SNAPC1: variants seen among roughly 807,000 people sequenced by gnomAD.
The protein encoded by SNAPC1 is snRNA-activating protein complex subunit 1.
SNAPC1 carries 42 observed loss-of-function variants against 50.1 expected under a neutral mutation model. The observed-to-expected ratio is 0.84, with a 90% CI of 0.65 to 1.08. The LOEUF is 1.08. Among genes scored for constraint, SNAPC1 ranks in the 50% least tolerant of loss-of-function variants. SNAPC1 has a pLI of 0.00. For missense variants in SNAPC1, 477 were observed against 427.3 expected, an observed-to-expected ratio of 1.12 and a Z score of -1.02; for synonymous variants, 164 against 144.2, an observed-to-expected ratio of 1.14 and a Z score of -0.98.
Position 61,762,498 on chromosome 14 carries a change from C to T in SNAPC1, c.38C>T (p.Ala13Val), listed in dbSNP as rs764113543. 7 of 1,410,018 alleles carry T rather than the reference C, an allele frequency of 5.0e-6. No individual in the cohort carries two copies. The African/African-American group carries it at 7.3e-5, about 15-fold the overall frequency. The allele number at this position is 1,410,018 out of a possible 1,614,324, so 87.3% of individuals were successfully genotyped here. Residue 13 changes from alanine to valine, a missense_variant, in exon 1 of 10, where the codon GCG (alanine) becomes GTG (valine). Transcript: ENST00000216294. Reference protein sequence around the residue: ...TPPGLQTDCEALLSRFQETDS... With the variant: ...TPPGLQTDCEVLLSRFQETDS... ...CCCGGCCTGCAGACCGACTGCGAGG[C>T]GCTGCTCAGCCGCTTCCAGGAGACG...
chr14:61,772,313 T>A (rs1372610581), intron 4 of SNAPC1, among the ~76,000 whole-genome samples: 1 of 152,008 alleles, frequency 6.6e-6, no homozygotes, highest in Non-Finnish European at 1.5e-5. Context: ...AGTGGTATGA[T>A]CTTGGCTCAC....
At chr14:61,780,538 GT>G (rs963871008) in intron 7 of SNAPC1, among the ~76,000 whole-genome samples, 3 of 152,080 alleles carry the variant, frequency 2.0e-5, no homozygotes, top group Non-Finnish European at 4.4e-5. Flanking sequence ...TAACGGGGTG[GT>G]TTTTTGTTTG....
chr14:61,793,668 T>TC, intron 9 of SNAPC1, among the ~76,000 whole-genome samples: 1 of 149,212 alleles, frequency 6.7e-6, no homozygotes, highest in East Asian at 1.9e-4. Context: ...TTTCTTTTTT[T>TC]TTTTTTGAGA....
intron 8 of SNAPC1, among the ~76,000 whole-genome samples, chr14:61,791,584 A>G (rs1420251914): frequency 6.6e-6 from 1 of 152,184 alleles, no homozygotes; most frequent in Non-Finnish European, 1.5e-5. Flanking sequence ...ACGGTGGCTC[A>G]CGCCTGTAAT....
intron 8 of SNAPC1, among the ~76,000 whole-genome samples, chr14:61,783,016 C>CTTTTTTTTTTTTTTT (rs1191462174): frequency 7.9e-6 from 1 of 125,968 alleles, no homozygotes; most frequent in African/African-American, 3.1e-5. Context: ...TTTTCCAGTG[C>CTTTTTTTTTTTTTTT]ATTTTTTTTT....
chr14:61,794,991 G>T lies in SNAPC1; in HGVS notation c.*8G>T. On this transcript the variant is annotated 3_prime_UTR_variant, in exon 10 of 10. Transcript: ENST00000216294. Reference sequence around the variant, plus strand: ...AAGAGGAGAAAACACTGAACAAAGAGCCTGGTGTAGTTTTTAATTTTGAGT... The same window carrying T: ...AAGAGGAGAAAACACTGAACAAAGATCCTGGTGTAGTTTTTAATTTTGAGT... The T allele has an allele frequency of 1.3e-6, 2 of 1,559,716 alleles. No individual in the cohort carries two copies. The highest frequency in any genetic ancestry group is 8.7e-7 in the Non-Finnish European group (1 of 1,153,758).
intron 1 of SNAPC1, among the ~76,000 whole-genome samples, chr14:61,763,706 C>G (rs1250025242): frequency 1.3e-5 from 2 of 152,050 alleles, no homozygotes; most frequent in Non-Finnish European, 2.9e-5. Context: ...CCGCTTTCCA[C>G]ATTTTGTTGT....
At chr14:61,787,074 C>G (rs1188790046) in intron 8 of SNAPC1, among the ~76,000 whole-genome samples, 1 of 152,200 alleles carries the variant, frequency 6.6e-6, no homozygotes, top group Non-Finnish European at 1.5e-5. Context: ...ATATGACATT[C>G]TGGAAGAGGC....
chr14:61,774,283 C>T (rs2045017570), intron 4 of SNAPC1, among the ~76,000 whole-genome samples: 1 of 151,676 alleles, frequency 6.6e-6, no homozygotes, highest in Non-Finnish European at 1.5e-5. Context: ...ACTACAGGTG[C>T]ACACTACTGT....
At chr14:61,789,996 C>T (rs2045140752) in intron 8 of SNAPC1, among the ~76,000 whole-genome samples, 1 of 152,148 alleles carries the variant, frequency 6.6e-6, no homozygotes, top group Non-Finnish European at 1.5e-5. Flanking sequence ...GCAAGGCTAA[C>T]AGACATAAGA....
Position 61,768,672 on chromosome 14 carries a change from GAA to G in SNAPC1, c.467_468del (p.Glu156GlyfsTer6), listed in dbSNP as rs758866144. ...GATGAAGAAAAAAATTCACCGAGCT[GAA>G]GTTACAGAAGAATTTAAGGACCCAA... ...YRMKKKIHRA[E>X]VTEEFKDPSD... On this transcript the variant is annotated frameshift_variant, in exon 4 of 10. Transcript: ENST00000216294. LOFTEE classifies it high-confidence loss of function. The G allele has an allele frequency of 6.8e-4, 1,090 of 1,611,138 alleles. No homozygotes were observed. Among genetic ancestry groups the G allele is most frequent in the Non-Finnish European group, 8.6e-4 (1,014 of 1,177,730 alleles).
rs149745741 is a variant in SNAPC1, at chr14:61,772,164, G to A, written c.534+3424G>A. 3.3e-4 allele frequency among the ~76,000 whole-genome samples: 50 copies of A among 152,000 alleles called. No individual in the cohort carries two copies. The East Asian group carries it at 6.4e-3, about 19-fold the overall frequency. On this transcript the variant is annotated intron_variant, in intron 4 of 9. Coordinates refer to ENST00000216294, the MANE Select transcript of SNAPC1 (RefSeq NM_003082.4). ...GTGGCTGGAGCGCAGTAGGGTGATC[G>A]TAGCTCACTGCACCCTCAGTCTCCT...
intron 8 of SNAPC1, among the ~76,000 whole-genome samples, chr14:61,783,673 C>T (rs1238228892): frequency 4.6e-5 from 7 of 151,564 alleles, no homozygotes; most frequent in African/African-American, 1.2e-4. Flanking sequence ...GTAGCTGGGA[C>T]TACAGGCGCC....
intron 7 of SNAPC1, among the ~76,000 whole-genome samples, chr14:61,780,564 TTA>T (rs2045064397): frequency 6.6e-6 from 1 of 152,192 alleles, no homozygotes; most frequent in Admixed American, 6.5e-5. Context: ...ATTAATTTTC[TTA>T]TAGATTATGA....
chr14:61,778,055 C>G lies in SNAPC1; in HGVS notation c.694-17C>G. The G allele has an allele frequency of 7.0e-7, 1 of 1,433,146 alleles. No homozygotes were observed. Among genetic ancestry groups the G allele is most frequent in the Non-Finnish European group, 9.7e-7 (1 of 1,032,794 alleles). 88.8% of individuals were successfully genotyped at this position (1,433,146 alleles called of 1,614,324 possible). A position where few individuals can be genotyped will look rare whatever the true frequency, so the allele number is the denominator to read the frequency against. On this transcript the variant is annotated splice_polypyrimidine_tract_variant and intron_variant, in intron 5 of 9. Transcript: ENST00000216294. ...TGTATGTGTGTATGTGTGTATGTAT[C>G]TTTTTTGCTCTTTTAGAATCCATCC...
intron 3 of SNAPC1, among the ~76,000 whole-genome samples, chr14:61,768,326 G>GT (rs11381847): frequency 0.16 from 23,639 of 151,396 alleles, 2,213 homozygotes; most frequent in South Asian, 0.32. Context: ...AATAGCATTT[G>GT]TTTTTTTTTA....
At chr14:61,763,387 C>T (rs897195355) in intron 1 of SNAPC1, among the ~76,000 whole-genome samples, 1 of 151,836 alleles carries the variant, frequency 6.6e-6, no homozygotes, top group Non-Finnish European at 1.5e-5. Flanking sequence ...CGCTTGAATT[C>T]TCTGACTTGC....
chr14:61,763,486 CTTTTTTTTT>C (rs71117854), intron 1 of SNAPC1, among the ~76,000 whole-genome samples: 1 of 98,010 alleles, frequency 1.0e-5, no homozygotes, highest in African/African-American at 3.7e-5. Flanking sequence ...CCAGCAGCTG[CTTTTTTTTT>C]TTTTTTTTTT....
chr14:61,762,842 C>T lies in SNAPC1; in HGVS notation c.128+254C>T, dbSNP rs150000389. Among the ~76,000 whole-genome samples, 293 of 152,186 alleles carry T rather than the reference C, an allele frequency of 1.9e-3. 1 individual carries two copies. The highest frequency in any genetic ancestry group is 2.7e-3 in the Non-Finnish European group (181 of 68,016). ...CCTGGCCTCCCTTCTAAACTCCTCT[C>T]TCCCATCTCCACCCTGAGCCAGGCC... On this transcript the variant is annotated intron_variant, in intron 1 of 9. Transcript: ENST00000216294.
Sources: allele counts gnomAD v4.1 joint callset (sites outside exome capture counted in the v4.1 genomes callset), GRCh38; gene constraint gnomAD v4.1.1; transcripts MANE v1.5; gene names NCBI Gene and HGNC (gene_info 2026-07-23, HGNC 2026-07-21).